STK3: variants seen among roughly 807,000 people sequenced by gnomAD.
The protein encoded by STK3 is serine/threonine-protein kinase 3.
In STK3, 41 loss-of-function variants were observed where a neutral mutation model predicts 58.0. That is an observed-to-expected ratio of 0.71 (90% confidence interval 0.55 to 0.92). The LOEUF (loss-of-function observed/expected upper bound fraction) is 0.92, where lower values mean the gene tolerates loss of function less well. Ranked by LOEUF, STK3 falls within the 40% of genes least tolerant of loss-of-function variation. STK3 has a pLI of 0.00. For synonymous variants in STK3, 170 were observed against 191.0 expected, an observed-to-expected ratio of 0.89 and a Z score of 0.91; for missense variants, 479 against 602.7, an observed-to-expected ratio of 0.79 and a Z score of 2.15.
intron 1 of STK3, among the ~76,000 whole-genome samples, chr8:98,786,351 A>G (rs932992133): frequency 6.6e-6 from 1 of 152,200 alleles, no homozygotes; most frequent in African/African-American, 2.4e-5. Context: ...GCTTGAGACC[A>G]TCCTGGAAAA....
chr8:98,653,680 T>C (rs1821186201), intron 6 of STK3, among the ~76,000 whole-genome samples: 1 of 152,140 alleles, frequency 6.6e-6, no homozygotes, highest in African/African-American at 2.4e-5. Context: ...AAATACAAAC[T>C]ACCATCAGAG....
intron 10 of STK3, among the ~76,000 whole-genome samples, chr8:98,458,541 T>A (rs1819684045): frequency 6.6e-6 from 1 of 152,028 alleles, no homozygotes; most frequent in African/African-American, 2.4e-5. Context: ...TTTGTACCAC[T>A]GATTTTGTAA....
intron 8 of STK3, among the ~76,000 whole-genome samples, chr8:98,574,364 G>T (rs1446964001): frequency 6.6e-6 from 1 of 152,134 alleles, no homozygotes; most frequent in African/African-American, 2.4e-5. Context: ...GAGACAGCTT[G>T]CAAGCAAACC....
chr8:98,795,129 T>TATATAC (rs1288218080), intron 1 of STK3, among the ~76,000 whole-genome samples: 19 of 95,938 alleles, frequency 2.0e-4, no homozygotes, highest in African/African-American at 7.4e-4. Context: ...TATATATATA[T>TATATAC]ACATACTAGT....
chr8:98,689,591 G>A (rs1402790241), intron 6 of STK3, among the ~76,000 whole-genome samples: 3 of 151,892 alleles, frequency 2.0e-5, no homozygotes, highest in Non-Finnish European at 4.4e-5. Context: ...CACCAGCCTG[G>A]GACATATATT....
Position 98,455,666 on chromosome 8 carries a change from A to T in STK3, c.*176T>A, listed in dbSNP as rs1041953038. 7 of 655,782 alleles carry T rather than the reference A, an allele frequency of 1.1e-5. No individual in the cohort carries two copies. The highest frequency in any genetic ancestry group is 9.1e-5 in the African/African-American group (5 of 54,734). The allele number at this position is 655,782 out of a possible 1,614,324, so 40.6% of individuals were successfully genotyped here. A position where few individuals can be genotyped will look rare whatever the true frequency, so the allele number is the denominator to read the frequency against. ...CCTCATCTTAGAGTGAATGCACAGC[A>T]GATACAACTGTCAATTCTGCCTTTT... On this transcript the variant is annotated 3_prime_UTR_variant, in exon 11 of 11. Transcript: ENST00000419617.
chr8:98,710,532 C>G (rs186259033), intron 4 of STK3, among the ~76,000 whole-genome samples: 2 of 152,176 alleles, frequency 1.3e-5, no homozygotes, highest in African/African-American at 4.8e-5. Context: ...ACCCATGGAG[C>G]CTCGCTCACT....
intron 1 of STK3, among the ~76,000 whole-genome samples, chr8:98,912,222 T>C (rs1359130301): frequency 6.6e-6 from 1 of 152,012 alleles, no homozygotes; most frequent in African/African-American, 2.4e-5. Flanking sequence ...CTACTAAAAA[T>C]ACAAAAATTA....
intron 3 of STK3, among the ~76,000 whole-genome samples, chr8:98,763,388 A>G (rs1188191122): frequency 6.6e-6 from 1 of 152,240 alleles, no homozygotes; most frequent in Non-Finnish European, 1.5e-5. Context: ...ATGAACAAAA[A>G]AAGATTAAAA....
At chr8:98,389,210 C>T (rs1204475719), upstream of STK3, among the ~76,000 whole-genome samples, 1 of 152,184 alleles carries the variant, frequency 6.6e-6, no homozygotes, top group Non-Finnish European at 1.5e-5. Context: ...TTCACCTTCT[C>T]CATGAAAACA....
chr8:98,356,588 A>T, the STK3 span, among the ~76,000 whole-genome samples: 1 of 152,214 alleles, frequency 6.6e-6, no homozygotes, highest in Non-Finnish European at 1.5e-5. Flanking sequence ...GCAGATCCCA[A>T]ATGTGGGAAT....
chr8:98,639,241 C>T (rs186964927), intron 6 of STK3, among the ~76,000 whole-genome samples: 213 of 151,958 alleles, frequency 1.4e-3, no homozygotes, highest in Non-Finnish European at 1.9e-3. Flanking sequence ...TCCTGAGTAG[C>T]TGGGACTACA....
intron 6 of STK3, among the ~76,000 whole-genome samples, chr8:98,677,867 T>C (rs988632903): frequency 2.0e-5 from 3 of 152,142 alleles, no homozygotes; most frequent in Admixed American, 6.5e-5. Flanking sequence ...GCACAAGAGG[T>C]TGCAGAAGGA....
intron 4 of STK3, among the ~76,000 whole-genome samples, chr8:98,729,423 T>C (rs1434118692): frequency 6.6e-6 from 1 of 152,138 alleles, no homozygotes; most frequent in East Asian, 1.9e-4. Flanking sequence ...ACCGTTTGAT[T>C]CTATTAAAGA....
chr8:98,833,624 G>A (rs1399095881), intron 3 of STK3, among the ~76,000 whole-genome samples: 2 of 152,126 alleles, frequency 1.3e-5, no homozygotes, highest in African/African-American at 4.8e-5. Flanking sequence ...GTGACCAGAG[G>A]CAGTTTGGAG....
chr8:98,859,811 T>C (rs149172186), intron 3 of STK3, among the ~76,000 whole-genome samples: 197 of 152,336 alleles, frequency 1.3e-3, no homozygotes, highest in African/African-American at 4.4e-3. Context: ...TGGGCTCTGA[T>C]AGTCACCAGA....
intron 2 of STK3, 65 bp downstream of exon 2, chr8:98,774,674 C>T (rs1831544924): frequency 8.7e-7 from 1 of 1,145,760 alleles, no homozygotes; most frequent in Non-Finnish European, 1.2e-6. Context: ...GAAAGATTAA[C>T]ATCATATAAT....
chr8:98,480,450 G>C (rs775024574), intron 10 of STK3, among the ~76,000 whole-genome samples: 1 of 152,180 alleles, frequency 6.6e-6, no homozygotes, highest in Non-Finnish European at 1.5e-5. Context: ...ACAGGTTAAA[G>C]TAAATGGATG....
intron 1 of STK3, among the ~76,000 whole-genome samples, chr8:98,805,779 T>C (rs1167530730): frequency 1.3e-5 from 2 of 152,174 alleles, no homozygotes; most frequent in Admixed American, 1.3e-4. Context: ...TATCTCTTCA[T>C]GATGAGATAA....
Sources: allele counts gnomAD v4.1 joint callset (sites outside exome capture counted in the v4.1 genomes callset), GRCh38; gene constraint gnomAD v4.1.1; transcripts MANE v1.5; gene names NCBI Gene and HGNC (gene_info 2026-07-23, HGNC 2026-07-21).